The following CCDC88A variants were observed in gnomAD, a reference collection of about 807,000 sequenced individuals.
CCDC88A encodes the protein coiled-coil and HOOK domain protein 88A, also known as girdin.
Under a neutral mutation model 234.3 loss-of-function variants are expected in CCDC88A, and 54 were observed. The observed-to-expected ratio is 0.23, with a 90% CI of 0.19 to 0.29. CCDC88A has a LOEUF of 0.29. Among genes scored for constraint, CCDC88A ranks in the 10% least tolerant of loss-of-function variants. The pLI, the probability that CCDC88A is intolerant of heterozygous loss-of-function variation, is 1.00. For missense variants in CCDC88A, 1,832 were observed against 2,123.4 expected, an observed-to-expected ratio of 0.86 and a Z score of 2.70; for synonymous variants, 753 against 737.8, an observed-to-expected ratio of 1.02 and a Z score of -0.33.
In CCDC88A at chr2:55,309,051, G is replaced by C; in HGVS notation, c.4173-28C>G. The stretch of plus-strand genomic sequence containing the variant: ...AACAGAATTTTAAAAATTGTTATCA[G>C]TTTAAAATTCAACATACAAATCCTT... On this transcript the variant is annotated intron_variant, in intron 24 of 32. Coordinates refer to ENST00000436346, the MANE Select transcript of CCDC88A (RefSeq NM_001365480.1). This position sits in a 1 kb window ranked among gnomAD's most constrained non-coding sequence, Gnocchi z 5.1. 1 of 1,554,704 alleles carries C rather than the reference G, an allele frequency of 6.4e-7. No individual in the cohort carries two copies. The highest frequency in any genetic ancestry group is 8.9e-7 in the Non-Finnish European group (1 of 1,127,722).
At chr2:55,365,383 A>C (rs1358628244) in intron 5 of CCDC88A, among the ~76,000 whole-genome samples, 2 of 152,144 alleles carry the variant, frequency 1.3e-5, no homozygotes, top group African/African-American at 2.4e-5. Context: ...AACACTACCA[A>C]AATTGTTGAC....
At position 55,288,381 on chromosome 2, in the gene CCDC88A, C is replaced by A. The variant is rs960214464; in HGVS notation, c.*2819G>T. ...CTGAAAAGAAAAACACAAAAATTCA[C>A]CACTCACAAAAAGTAACTTAAAATA... On this transcript the variant is annotated 3_prime_UTR_variant, in exon 33 of 33. Transcript: ENST00000436346. The A allele has an allele frequency of 2.6e-5, 4 of 152,586 alleles. No individual in the cohort carries two copies. The highest frequency in any genetic ancestry group is 6.5e-5 in the Admixed American group (1 of 15,270). The allele number at this position is 152,586 out of a possible 1,614,324, so 9.5% of individuals were successfully genotyped here. A position where few individuals can be genotyped will look rare whatever the true frequency, so the allele number is the denominator to read the frequency against.
intron 2 of CCDC88A, among the ~76,000 whole-genome samples, chr2:55,412,552 T>C (rs1011672566): frequency 2.6e-5 from 4 of 152,048 alleles, no homozygotes; most frequent in Non-Finnish European, 4.4e-5. Flanking sequence ...GGGATCTAGG[T>C]TGCACTCTCC....
At chr2:55,348,028 C>G (rs1669390195) in intron 9 of CCDC88A, among the ~76,000 whole-genome samples, 1 of 152,000 alleles carries the variant, frequency 6.6e-6, no homozygotes, top group African/African-American at 2.4e-5. Context: ...CTGGCACATT[C>G]ACAGCTCACT....
intron 28 of CCDC88A, 72 bp downstream of exon 28, chr2:55,301,134 T>C: frequency 2.3e-6 from 2 of 878,748 alleles, no homozygotes; most frequent in Non-Finnish European, 3.7e-6. Context: ...CATTCACCTA[T>C]TAAAGGCAAG....
intron 2 of CCDC88A, chr2:55,403,293 G>A (rs940805254): frequency 1.3e-5 from 2 of 152,190 alleles, no homozygotes; most frequent in Admixed American, 6.5e-5. Flanking sequence ...AAAACCATGA[G>A]TACTTTTTCT....
chr2:55,326,254 C>T (rs944851148), intron 17 of CCDC88A, among the ~76,000 whole-genome samples: 5 of 151,912 alleles, frequency 3.3e-5, no homozygotes, highest in Non-Finnish European at 5.9e-5. Flanking sequence ...TGCGCTCAAG[C>T]GAACTTGCCG....
chr2:55,406,069 A>G (rs56320407), intron 2 of CCDC88A: 76,514 of 151,306 alleles, frequency 0.51, 21,441 homozygotes, highest in Admixed American at 0.63. Flanking sequence ...GAGGCAGGAG[A>G]ATTGCTTGAA....
At chr2:55,381,556 A>AG (rs986008688) in intron 3 of CCDC88A, among the ~76,000 whole-genome samples, 2 of 151,016 alleles carry the variant, frequency 1.3e-5, no homozygotes, top group African/African-American at 4.9e-5. Flanking sequence ...CTGTCTCAAA[A>AG]AAAAAAAAAA....
In CCDC88A at chr2:55,343,670, G is replaced by A; in HGVS notation, c.1311C>T (p.Ser437=). ...LHLGWELEQI[S]RTSELSEAPQ... Reference sequence around the variant, plus strand: ...TACCTTCGGAAAGTTCACTAGTTCTGGATATCTGTTCCAGTTCCCAGCCAA... The same window carrying A: ...TACCTTCGGAAAGTTCACTAGTTCTAGATATCTGTTCCAGTTCCCAGCCAA... Residue 437 remains serine (S), a synonymous_variant, in exon 12 of 33, where the codon TCC becomes TCT. Coordinates refer to ENST00000436346, the MANE Select transcript of CCDC88A (RefSeq NM_001365480.1). The A allele has an allele frequency of 6.2e-7, 1 of 1,607,712 alleles. No homozygotes were observed. The highest frequency in any genetic ancestry group is 8.5e-7 in the Non-Finnish European group (1 of 1,177,376).
At chr2:55,400,065 G>C (rs554597573) in intron 2 of CCDC88A, among the ~76,000 whole-genome samples, 28 of 152,222 alleles carry the variant, frequency 1.8e-4, no homozygotes, top group African/African-American at 6.3e-4. Context: ...ATGACTCACA[G>C]AATTCTCTAA....
rs145103655 is a variant in CCDC88A, at chr2:55,354,642, C to T, written c.800+937G>A. 4.0e-3 allele frequency among the ~76,000 whole-genome samples: 606 copies of T among 151,998 alleles called. 2 individuals are homozygous for T. Among genetic ancestry groups the T allele is most frequent in the Middle Eastern group, 0.01 (3 of 294 alleles). Reference sequence around the variant, plus strand: ...GCAGTGTCACCATCTCGGCTCACTGCAACTTCCACCTCCCTGATTCAACCA... The same window carrying T: ...GCAGTGTCACCATCTCGGCTCACTGTAACTTCCACCTCCCTGATTCAACCA... On this transcript the variant is annotated intron_variant, in intron 8 of 32. Transcript: ENST00000436346.
At chr2:55,297,474 G>C (rs1322508668) in intron 29 of CCDC88A, among the ~76,000 whole-genome samples, 5 of 137,458 alleles carry the variant, frequency 3.6e-5, no homozygotes, top group African/African-American at 1.1e-4. Flanking sequence ...GCAGTGGCAC[G>C]ATCTCAGCTC....
chr2:55,376,809 G>A (rs918461404), intron 3 of CCDC88A, among the ~76,000 whole-genome samples: 1 of 152,114 alleles, frequency 6.6e-6, no homozygotes, highest in African/African-American at 2.4e-5. Context: ...AGCTAAATGG[G>A]CTTAAAAGAA....
In CCDC88A at chr2:55,289,672, A is replaced by G. The variant is rs770371064; in HGVS notation, c.*1528T>C. On this transcript the variant is annotated 3_prime_UTR_variant, in exon 33 of 33. Transcript: ENST00000436346. ...CTCAAGTTCTCTAAGTTCCATTTCA[A>G]TTTAAACATGCTCTCTTTTTTATTG... 2.0e-5 allele frequency: 3 copies of G among 152,114 alleles called. No homozygotes were observed. Among genetic ancestry groups the G allele is most frequent in the Non-Finnish European group, 4.4e-5 (3 of 67,990 alleles). The allele number at this position is 152,114 out of a possible 1,614,324, so 9.4% of individuals were successfully genotyped here.
In CCDC88A at chr2:55,328,260, G is replaced by A; in HGVS notation, c.2997+34C>T. On this transcript the variant is annotated intron_variant, in intron 17 of 32. Coordinates refer to ENST00000436346, the MANE Select transcript of CCDC88A (RefSeq NM_001365480.1). This position sits in a 1 kb window ranked among gnomAD's most constrained non-coding sequence, Gnocchi z 4.3. ...CTGTCCAAATATTTATATAATAAAT[G>A]ATCCTTAAAATTCTTTCCAAGAAAA... 1 of 1,445,156 alleles carries A rather than the reference G, an allele frequency of 6.9e-7. No individual in the cohort carries two copies. The highest frequency in any genetic ancestry group is 9.4e-7 in the Non-Finnish European group (1 of 1,067,668). The allele number at this position is 1,445,156 out of a possible 1,614,324, so 89.5% of individuals were successfully genotyped here.
chr2:55,342,251 G>A (rs1393943416), intron 12 of CCDC88A, among the ~76,000 whole-genome samples: 1 of 151,928 alleles, frequency 6.6e-6, no homozygotes, highest in African/African-American at 2.4e-5. Context: ...CCCAAATTCT[G>A]TAAATTTTCT....
At chr2:55,342,299 A>G (rs1168274195) in intron 12 of CCDC88A, among the ~76,000 whole-genome samples, 4 of 152,180 alleles carry the variant, frequency 2.6e-5, no homozygotes, top group Admixed American at 6.5e-5. Context: ...TAAAAACTAC[A>G]TACACCACAG....
chr2:55,309,306 T>C lies in CCDC88A; in HGVS notation c.4080-52A>G, dbSNP rs1250543788. 1 of 811,500 alleles carries C rather than the reference T, an allele frequency of 1.2e-6. No homozygotes were observed. The highest frequency in any genetic ancestry group is 1.7e-5 in the African/African-American group (1 of 57,868). 50.3% of individuals were successfully genotyped at this position (811,500 alleles called of 1,614,324 possible). ...ACAGGCATCATATTTTGTACAGCTA[T>C]GAATATTAAATTATTTGGTGACTGT... On this transcript the variant is annotated intron_variant, in intron 23 of 32. Coordinates refer to ENST00000436346, the MANE Select transcript of CCDC88A (RefSeq NM_001365480.1). This position sits in a 1 kb window ranked among gnomAD's most constrained non-coding sequence, Gnocchi z 5.1.
Sources: allele counts gnomAD v4.1 joint callset (sites outside exome capture counted in the v4.1 genomes callset), GRCh38; gene constraint gnomAD v4.1.1; non-coding constraint Gnocchi (gnomAD v3.1); transcripts MANE v1.5; gene names NCBI Gene and HGNC (gene_info 2026-07-23, HGNC 2026-07-21).